The following ASXL3 variants were observed in gnomAD, a reference collection of about 807,000 sequenced individuals.
ASXL3 encodes ASXL transcriptional regulator 3.
ASXL3 carries 34 observed loss-of-function variants against 170.6 expected under a neutral mutation model. The observed-to-expected ratio is 0.20, with a 90% CI of 0.15 to 0.27. ASXL3 has a LOEUF of 0.27. Ranked by LOEUF, ASXL3 falls within the 10% of genes least tolerant of loss-of-function variation. The probability of loss-of-function intolerance (pLI) is 1.00; values close to 1 mark genes in which losing one functional copy is unlikely to be tolerated. For synonymous variants in ASXL3, 1,002 were observed against 989.1 expected (o/e 1.01, Z -0.24); for missense variants, 2,592 against 2,695.3 (o/e 0.96, Z 0.85).
intron 2 of ASXL3, among the ~76,000 whole-genome samples, chr18:33,634,336 T>A (rs1441578841): frequency 1.3e-5 from 2 of 151,978 alleles, no homozygotes; most frequent in African/African-American, 4.8e-5. Context: ...CTTCTTTTTT[T>A]TTTTTTTAAT....
At chr18:33,629,246 A>G (rs376686650) in intron 2 of ASXL3, among the ~76,000 whole-genome samples, 5 of 152,138 alleles carry the variant, frequency 3.3e-5, no homozygotes, top group African/African-American at 1.2e-4. Context: ...TGAGATATTG[A>G]TTTCATGAAA....
intron 4 of ASXL3, among the ~76,000 whole-genome samples, chr18:33,658,278 T>C (rs2066114364): frequency 6.6e-6 from 1 of 152,186 alleles, no homozygotes; most frequent in South Asian, 2.1e-4. Context: ...AGTCCTTCAT[T>C]ATTTATTTAT....
At chr18:33,735,343 C>CT (rs1269885980) in intron 10 of ASXL3, among the ~76,000 whole-genome samples, 1 of 152,146 alleles carries the variant, frequency 6.6e-6, no homozygotes, top group Non-Finnish European at 1.5e-5. Context: ...GAATAGGGTG[C>CT]TCAGAGTATG....
chr18:33,743,354 G>A lies in ASXL3; in HGVS notation c.3506G>A (p.Ser1169Asn). 1 of 1,613,642 alleles carries A rather than the reference G, an allele frequency of 6.2e-7. No individual in the cohort carries two copies. The highest frequency in any genetic ancestry group is 8.5e-7 in the Non-Finnish European group (1 of 1,179,872). The change falls in exon 12 of 12, where the codon AGC becomes AAC. Residue 1169 changes from serine to asparagine, a missense_variant. This residue lies in a region of ASXL3 where 2,246 missense variants were observed against 2,219.6 expected (regional missense o/e 1.01). Coordinates refer to ENST00000269197, the MANE Select transcript of ASXL3 (RefSeq NM_030632.3). ...GTCAATCCAAACTGTAGATCTCCTA[G>A]CAACAAGTCTGCCCACCTCCGGGAG... ...IIVNPNCRSP[S>N]NKSAHLRETT...
rs370186593 is a variant in ASXL3, at chr18:33,745,672, A to G, written c.5824A>G (p.Ile1942Val). Residue 1942 changes from isoleucine to valine, a missense_variant, in exon 12 of 12, where the codon ATT becomes GTT. Around this residue, in one of 4 missense-constraint regions of ASXL3, gnomAD observed 2,246 missense variants for 2,219.6 expected, o/e 1.01. Coordinates refer to ENST00000269197, the MANE Select transcript of ASXL3 (RefSeq NM_030632.3). ...AATGCCTGTGGCTGCCAGGGGCCCC[A>G]TTCCTACTGCAGCTCTGTTACAGGC... ...YQMPVAARGP[I>V]PTAALLQASS... The G allele has an allele frequency of 9.1e-5, 147 of 1,613,836 alleles. No individual in the cohort carries two copies. Among genetic ancestry groups the G allele is most frequent in the Non-Finnish European group, 1.2e-4 (145 of 1,179,894 alleles).
intron 4 of ASXL3, among the ~76,000 whole-genome samples, chr18:33,655,314 A>G (rs9964799): frequency 0.032 from 4,785 of 151,314 alleles, 248 homozygotes; most frequent in African/African-American, 0.11. Context: ...GTTATAAAAT[A>G]TAGTAATCAT....
chr18:33,588,229 G>T (rs138327983), intron 1 of ASXL3, among the ~76,000 whole-genome samples: 1 of 152,212 alleles, frequency 6.6e-6, no homozygotes, highest in African/African-American at 2.4e-5. Flanking sequence ...GATGATACAA[G>T]AACAATGGGG....
intron 8 of ASXL3, among the ~76,000 whole-genome samples, chr18:33,691,540 C>A (rs185070205): frequency 6.6e-6 from 1 of 152,166 alleles, no homozygotes; most frequent in Non-Finnish European, 1.5e-5. Flanking sequence ...TTTATTCAAC[C>A]AAAACATATT....
intron 8 of ASXL3, among the ~76,000 whole-genome samples, chr18:33,718,697 C>A (rs2067207382): frequency 6.6e-6 from 1 of 151,520 alleles, no homozygotes; most frequent in Non-Finnish European, 1.5e-5. Flanking sequence ...CAATCTTTTT[C>A]TTTTTCTTTT....
intron 2 of ASXL3, among the ~76,000 whole-genome samples, chr18:33,623,790 C>T (rs896264721): frequency 1.2e-4 from 19 of 152,116 alleles, no homozygotes; most frequent in African/African-American, 4.3e-4. Context: ...GTTCTTTATT[C>T]AGATTCCATG....
chr18:33,609,732 TACAA>T (rs2065305775), intron 2 of ASXL3, among the ~76,000 whole-genome samples: 1 of 151,956 alleles, frequency 6.6e-6, no homozygotes, highest in African/African-American at 2.4e-5. Context: ...AGTCCTTTGT[TACAA>T]ACACTCATGA....
intron 8 of ASXL3, among the ~76,000 whole-genome samples, chr18:33,714,155 T>A (rs567479783): frequency 6.6e-6 from 1 of 152,320 alleles, no homozygotes; most frequent in African/African-American, 2.4e-5. Context: ...TCAAGTGGTA[T>A]TTCTTATTTT....
intron 9 of ASXL3, 115 bp downstream of exon 9, chr18:33,732,179 T>A: frequency 1.6e-6 from 1 of 639,872 alleles, no homozygotes; most frequent in South Asian, 3.7e-5. Context: ...TTTAATTTAG[T>A]AAAAACTCAT....
intron 5 of ASXL3, among the ~76,000 whole-genome samples, chr18:33,665,286 A>G (rs1258540300): frequency 1.3e-5 from 2 of 152,040 alleles, no homozygotes; most frequent in South Asian, 2.1e-4. Flanking sequence ...TTGCAGATGC[A>G]TTTTCTTTTT....
rs76180803 is a variant in ASXL3 at position 33,684,284 on chromosome 18, T to C, written c.879+716T>C. Among the ~76,000 whole-genome samples the C allele has an allele frequency of 1.4e-3, 215 of 152,286 alleles. 4 individuals are homozygous for C. The East Asian group carries it at 0.031, about 22-fold the overall frequency. ...CCTTATGATTCTTATTTCAGTGAAT[T>C]CTGAAACTGTGCATCATTTTCAATT... On this transcript the variant is annotated intron_variant, in intron 8 of 11. Transcript: ENST00000269197.
At chr18:33,589,849 A>G (rs1450112761) in intron 1 of ASXL3, among the ~76,000 whole-genome samples, 2 of 152,170 alleles carry the variant, frequency 1.3e-5, no homozygotes, top group Non-Finnish European at 2.9e-5. Context: ...TTCATGCTGA[A>G]CTAAACTTGT....
intron 1 of ASXL3, among the ~76,000 whole-genome samples, chr18:33,594,239 C>T (rs1052322104): frequency 3.3e-5 from 5 of 152,114 alleles, no homozygotes; most frequent in East Asian, 3.9e-4. Context: ...CTAAGTAAGA[C>T]TTGTTGTGAG....
intron 11 of ASXL3, among the ~76,000 whole-genome samples, 170 bp from the exon 12 acceptor site, chr18:33,742,718 C>T (rs138188948): frequency 1.6e-4 from 24 of 152,182 alleles, no homozygotes; most frequent in African/African-American, 2.4e-4. Flanking sequence ...ATTCATACTA[C>T]GTTTCTTATT....
At chr18:33,701,792 AT>A (rs936002033) in intron 8 of ASXL3, among the ~76,000 whole-genome samples, 2 of 151,982 alleles carry the variant, frequency 1.3e-5, no homozygotes, top group Non-Finnish European at 1.5e-5. Flanking sequence ...AAAGTTAAAC[AT>A]TTTTTTTATT....
Sources: allele counts gnomAD v4.1 joint callset (sites outside exome capture counted in the v4.1 genomes callset), GRCh38; gene constraint gnomAD v4.1.1; regional missense constraint gnomAD v4.1.1; transcripts MANE v1.5; gene names NCBI Gene and HGNC (gene_info 2026-07-23, HGNC 2026-07-21).